IL1RAPL1: variants seen among roughly 807,000 people sequenced by gnomAD.
IL1RAPL1 encodes interleukin 1 receptor accessory protein like 1.
In IL1RAPL1, 3 loss-of-function variants were observed where a neutral mutation model predicts 48.4. The ratio of observed to expected loss-of-function variants is 0.06; its 90% CI spans 0.03 to 0.16. The LOEUF (loss-of-function observed/expected upper bound fraction) is 0.16. IL1RAPL1 is among the 10% of genes least tolerant of loss of function. The pLI, the probability that IL1RAPL1 is intolerant of heterozygous loss-of-function variation, is 1.00. For synonymous variants in IL1RAPL1, 185 were observed against 187.7 expected (o/e 0.99, Z 0.12); for missense variants, 349 against 530.6 (o/e 0.66, Z 3.36).
intron 2 of IL1RAPL1, among the ~76,000 whole-genome samples, chrX:28,928,225 C>G (rs748219102): frequency 1.8e-5 from 2 of 111,244 alleles, no homozygotes; most frequent in African/African-American, 6.5e-5. Flanking sequence ...TCTCCTGTAC[C>G]TCGCATCCCC....
intron 3 of IL1RAPL1, among the ~76,000 whole-genome samples, chrX:29,334,681 C>T (rs1482424957): frequency 8.3e-4 from 82 of 99,226 alleles, no homozygotes; most frequent in African/African-American, 2.0e-3. Flanking sequence ...CCAGACAGGG[C>T]GGCGGGGCAG....
Position 29,955,219 on chromosome X carries a change from G to A in IL1RAPL1, c.1490G>A (p.Arg497Gln), listed in dbSNP as rs1198405872. ...WSIFELETRLRNMLVTGEIKV... is the reference protein window; with the variant it reads ...WSIFELETRLQNMLVTGEIKV... ...ATCTTTGAGCTGGAAACCAGACTTCGAAATATGCTTGTGACTGGAGAAATT... is the reference window on the plus strand; with the variant it reads ...ATCTTTGAGCTGGAAACCAGACTTCAAAATATGCTTGTGACTGGAGAAATT... Residue 497 changes from arginine (R) to glutamine (Q), a missense_variant, in exon 11 of 11, where the codon CGA (arginine) becomes CAA (glutamine). Physicochemically the swap from Arg to Gln is conservative, Grantham distance 43. Transcript: ENST00000378993. 19 of 1,208,805 alleles carry A rather than the reference G, an allele frequency of 1.6e-5. No individual in the cohort carries two copies. Among genetic ancestry groups the A allele is most frequent in the Admixed American group, 2.2e-5 (1 of 45,655 alleles).
chrX:28,686,278 A>C (rs775964669), intron 1 of IL1RAPL1, among the ~76,000 whole-genome samples: 5 of 112,203 alleles, frequency 4.5e-5, no homozygotes, highest in African/African-American at 1.6e-4. Context: ...AACATAAACA[A>C]AATTTTAAAG....
intron 5 of IL1RAPL1, among the ~76,000 whole-genome samples, chrX:29,473,177 G>A (rs1410172823): frequency 2.7e-5 from 3 of 111,535 alleles, no homozygotes; most frequent in Non-Finnish European, 5.7e-5. Context: ...TTCTTGTTGT[G>A]TCTTTTCACA....
chrX:29,926,021 T>C (rs1217530642), intron 8 of IL1RAPL1, among the ~76,000 whole-genome samples: 1 of 111,744 alleles, frequency 8.9e-6, no homozygotes, highest in Non-Finnish European at 1.9e-5. Context: ...GCTTTTTTTT[T>C]TTTTTGAGAC....
intron 2 of IL1RAPL1, among the ~76,000 whole-genome samples, chrX:29,122,670 C>T (rs12014745): frequency 0.22 from 24,459 of 109,980 alleles, 2,496 homozygotes; most frequent in African/African-American, 0.39. Flanking sequence ...TTAATAGCAG[C>T]GGAAGGATTA....
At chrX:29,827,224 T>C (rs2147186126) in intron 6 of IL1RAPL1, among the ~76,000 whole-genome samples, 1 of 112,387 alleles carries the variant, frequency 8.9e-6, no homozygotes, top group African/African-American at 3.2e-5. Context: ...GATCTAAAAA[T>C]TACCACTTAC....
chrX:29,034,456 G>A (rs910615152), intron 2 of IL1RAPL1, among the ~76,000 whole-genome samples: 1 of 111,478 alleles, frequency 9.0e-6, no homozygotes, highest in African/African-American at 3.3e-5. Flanking sequence ...TTAAGCTTTC[G>A]ACCACTGAGC....
At chrX:28,616,574 C>A (rs1465016516) in intron 1 of IL1RAPL1, among the ~76,000 whole-genome samples, 1 of 110,722 alleles carries the variant, frequency 9.0e-6, no homozygotes, top group Non-Finnish European at 1.9e-5. Context: ...GCGGGGACTA[C>A]AGGCGTACGC....
chrX:29,128,402 G>T (rs1187797324), intron 2 of IL1RAPL1, among the ~76,000 whole-genome samples: 1 of 111,479 alleles, frequency 9.0e-6, no homozygotes, highest in East Asian at 2.8e-4. Flanking sequence ...TGAAGAACGT[G>T]CCATATTCTC....
At chrX:28,887,635 C>T (rs889308385) in intron 2 of IL1RAPL1, among the ~76,000 whole-genome samples, 2 of 111,147 alleles carry the variant, frequency 1.8e-5, no homozygotes, top group Admixed American at 9.6e-5. Flanking sequence ...GCTGTCTATC[C>T]CCAAGCAATA....
chrX:29,763,421 A>T (rs1159125402), intron 6 of IL1RAPL1, among the ~76,000 whole-genome samples: 1 of 111,373 alleles, frequency 9.0e-6, no homozygotes, highest in East Asian at 2.8e-4. Flanking sequence ...TTGTATAATA[A>T]AAGGAAACTA....
At chrX:29,182,113 C>A (rs752176559) in intron 2 of IL1RAPL1, among the ~76,000 whole-genome samples, 14 of 108,205 alleles carry the variant, frequency 1.3e-4, no homozygotes, top group African/African-American at 3.7e-4. Flanking sequence ...TGCCCCCCCC[C>A]ACCCCATGCC....
At chrX:29,893,489 G>A (rs905927170) in intron 6 of IL1RAPL1, among the ~76,000 whole-genome samples, 7 of 110,755 alleles carry the variant, frequency 6.3e-5, no homozygotes, top group Admixed American at 9.7e-5. Context: ...GTGTTAACTG[G>A]AGTCACCGTG....
At chrX:28,842,494 T>C (rs150539260) in intron 2 of IL1RAPL1, among the ~76,000 whole-genome samples, 3,154 of 110,711 alleles carry the variant, frequency 0.028, 56 homozygotes, top group Non-Finnish European at 0.045. Context: ...GGGGTGCCTG[T>C]GAGAATTCAA....
intron 1 of IL1RAPL1, among the ~76,000 whole-genome samples, chrX:28,594,874 G>C (rs1028795407): frequency 2.7e-5 from 3 of 111,327 alleles, no homozygotes; most frequent in Non-Finnish European, 1.9e-5. Context: ...ATAGGTCACT[G>C]GTGGGTCTTC....
At chrX:29,554,629 T>C (rs1921930459) in intron 5 of IL1RAPL1, among the ~76,000 whole-genome samples, 1 of 111,784 alleles carries the variant, frequency 8.9e-6, no homozygotes, top group Admixed American at 9.5e-5. Context: ...TGTTTCTTCA[T>C]TCACTCTCTT....
intron 5 of IL1RAPL1, among the ~76,000 whole-genome samples, chrX:29,435,917 T>G (rs1193303919): frequency 1.8e-5 from 2 of 110,688 alleles, no homozygotes; most frequent in Non-Finnish European, 3.8e-5. Context: ...TAAAGTACTC[T>G]GAAATGGGGA....
At chrX:29,344,883 G>A (rs904049540) in intron 3 of IL1RAPL1, among the ~76,000 whole-genome samples, 4 of 112,239 alleles carry the variant, frequency 3.6e-5, no homozygotes, top group South Asian at 3.7e-4. Flanking sequence ...TGATCTGCCC[G>A]CCTTGGCCTC....
Sources: gnomAD v4.1 joint callset for allele counts (sites outside exome capture counted in the v4.1 genomes callset) on GRCh38, gnomAD v4.1.1 for gene constraint, MANE v1.5 for transcripts, NCBI Gene and HGNC (gene_info 2026-07-23, HGNC 2026-07-21) for gene names.